The following MYOCD variants were observed in gnomAD, a reference collection of about 807,000 sequenced individuals.
The protein encoded by MYOCD is myocardin.
In MYOCD, 32 loss-of-function variants were observed where a neutral mutation model predicts 96.1. The ratio of observed to expected loss-of-function variants is 0.33; its 90% CI spans 0.25 to 0.45. MYOCD has a LOEUF of 0.45. Ranked by LOEUF, MYOCD falls within the 20% of genes least tolerant of loss-of-function variation. The probability of loss-of-function intolerance (pLI) is 1.00; values close to 1 mark genes in which losing one functional copy is unlikely to be tolerated. For synonymous variants in MYOCD, 469 were observed against 469.0 expected (o/e 1.00, Z 0.00); for missense variants, 1,133 against 1,200.6 (o/e 0.94, Z 0.83).
intron 1 of MYOCD, among the ~76,000 whole-genome samples, chr17:12,700,397 G>A (rs1304489491): frequency 1.3e-4 from 11 of 86,652 alleles, no homozygotes; most frequent in Non-Finnish European, 2.2e-5. Context: ...AGCAATGGGA[G>A]AATTTTTTTT....
chr17:12,731,867 C>G (rs2032182147), intron 5 of MYOCD, among the ~76,000 whole-genome samples: 1 of 152,224 alleles, frequency 6.6e-6, no homozygotes, highest in Non-Finnish European at 1.5e-5. Flanking sequence ...TTTTTCCCAT[C>G]AACAGCGACG....
At chr17:12,692,830 G>A (rs750557129) in intron 1 of MYOCD, among the ~76,000 whole-genome samples, 20 of 152,058 alleles carry the variant, frequency 1.3e-4, no homozygotes, top group Non-Finnish European at 2.6e-4. Flanking sequence ...CAATTTCCAA[G>A]AGCCCTGGCC....
At chr17:12,685,457 T>G (rs1293845742) in intron 1 of MYOCD, among the ~76,000 whole-genome samples, 1 of 152,062 alleles carries the variant, frequency 6.6e-6, no homozygotes, top group Non-Finnish European at 1.5e-5. Context: ...ATACAGAAGA[T>G]TAGCCGGGTG....
chr17:12,749,714 T>TAC (rs1417801984), intron 9 of MYOCD, among the ~76,000 whole-genome samples: 50 of 145,006 alleles, frequency 3.4e-4, no homozygotes, highest in African/African-American at 1.2e-3. Flanking sequence ...TATGTGTATA[T>TAC]ATATGTGTGT....
intron 1 of MYOCD, among the ~76,000 whole-genome samples, chr17:12,704,580 G>A (rs2031213746): frequency 6.6e-6 from 1 of 152,132 alleles, no homozygotes; most frequent in Admixed American, 6.6e-5. Context: ...TTATCAAAAT[G>A]TCATTACATG....
At chr17:12,722,617 G>A (rs1473314332) in intron 4 of MYOCD, among the ~76,000 whole-genome samples, 1 of 152,104 alleles carries the variant, frequency 6.6e-6, no homozygotes, top group Non-Finnish European at 1.5e-5. Flanking sequence ...ACGAATCCTC[G>A]CAAAGCAAGC....
chr17:12,740,283 G>A (rs2032468789), intron 7 of MYOCD, among the ~76,000 whole-genome samples: 1 of 152,150 alleles, frequency 6.6e-6, no homozygotes, highest in Non-Finnish European at 1.5e-5. Flanking sequence ...CCTGAGCAGT[G>A]TACACTGTAC....
chr17:12,709,818 TG>T (rs1232939765), intron 2 of MYOCD, among the ~76,000 whole-genome samples: 3 of 152,210 alleles, frequency 2.0e-5, no homozygotes, highest in Admixed American at 6.5e-5. Context: ...CTATTGGGCC[TG>T]TTCATCATTT....
intron 1 of MYOCD, among the ~76,000 whole-genome samples, chr17:12,698,994 G>A (rs150640284): frequency 0.021 from 3,109 of 151,582 alleles, 146 homozygotes; most frequent in Admixed American, 0.11. Flanking sequence ...TGCCCGCCTC[G>A]GCCTCCCAAA....
Position 12,752,907 on chromosome 17 carries a change from G to A in MYOCD, c.1619G>A (p.Arg540Lys). ...ELTWKLQQEQ[R>K]QVEELRMQLQ... ...ACCTGGAAACTCCAGCAAGAGCAGA[G>A]GCAGGTGGAGGAGCTGAGGATGCAG... Residue 540 changes from arginine (R) to lysine (K), a missense_variant, in exon 10 of 14, where the codon AGG (arginine) becomes AAG (lysine). Physicochemically the swap from Arg to Lys is conservative, Grantham distance 26 (BLOSUM62 2). Transcript: ENST00000425538. The A allele has an allele frequency of 6.2e-7, 1 of 1,614,112 alleles. No individual in the cohort carries two copies. The highest frequency in any genetic ancestry group is 8.5e-7 in the Non-Finnish European group (1 of 1,180,034).
At chr17:12,751,033 G>A (rs1236872430) in intron 9 of MYOCD, among the ~76,000 whole-genome samples, 3 of 152,018 alleles carry the variant, frequency 2.0e-5, no homozygotes, top group Non-Finnish European at 2.9e-5. Context: ...TTGACTTACA[G>A]AAGTTTTAAA....
In MYOCD at chr17:12,752,484, A is replaced by G. The variant is rs2032877804; in HGVS notation, c.1196A>G (p.Asp399Gly). 6.2e-7 allele frequency: 1 copy of G among 1,614,046 alleles called. No individual in the cohort carries two copies. The highest frequency in any genetic ancestry group is 1.7e-5 in the Admixed American group (1 of 60,000). ...TCAGGCACCAAAACGGCTCTCATGG[A>G]CCGGCTTCGACCCTTCCAGGACTGC... Reference protein sequence around the residue: ...PVSGTKTALMDRLRPFQDCSG... With the variant: ...PVSGTKTALMGRLRPFQDCSG... Residue 399 changes from aspartate to glycine, a missense_variant, in exon 10 of 14, where the codon GAC becomes GGC. Physicochemically the swap from Asp to Gly is moderately conservative, Grantham distance 94. Transcript: ENST00000425538.
intron 1 of MYOCD, among the ~76,000 whole-genome samples, chr17:12,675,932 G>C (rs1910005894): frequency 1.3e-5 from 2 of 152,136 alleles, no homozygotes; most frequent in Non-Finnish European, 2.9e-5. Context: ...GATATAAGTA[G>C]AACTGTTCAT....
intron 1 of MYOCD, among the ~76,000 whole-genome samples, chr17:12,678,324 A>T (rs1156773088): frequency 6.6e-6 from 1 of 151,840 alleles, no homozygotes; most frequent in Non-Finnish European, 1.5e-5. Flanking sequence ...AAAAAAAAAA[A>T]ACTGAAAAGG....
intron 1 of MYOCD, among the ~76,000 whole-genome samples, chr17:12,694,368 G>A: frequency 6.6e-6 from 1 of 152,154 alleles, no homozygotes; most frequent in East Asian, 1.9e-4. Context: ...GAAGTGTCAG[G>A]ACTGTCCTAT....
intron 1 of MYOCD, among the ~76,000 whole-genome samples, chr17:12,668,061 G>C (rs944853025): frequency 5.9e-5 from 9 of 152,200 alleles, no homozygotes; most frequent in African/African-American, 2.2e-4. Flanking sequence ...AAAATGTAAT[G>C]TTTGAATGGA....
At chr17:12,741,378 A>G (rs1372782616) in intron 7 of MYOCD, among the ~76,000 whole-genome samples, 1 of 152,186 alleles carries the variant, frequency 6.6e-6, no homozygotes, top group Non-Finnish European at 1.5e-5. Context: ...AAGAAATGTT[A>G]TTCATATTTC....
chr17:12,708,725 C>T (rs934077364), intron 2 of MYOCD, among the ~76,000 whole-genome samples: 1 of 152,102 alleles, frequency 6.6e-6, no homozygotes, highest in African/African-American at 2.4e-5. Context: ...ACAGAAGCAC[C>T]TGCCACCAAT....
intron 1 of MYOCD, among the ~76,000 whole-genome samples, chr17:12,689,288 CTCTTGAAA>C (rs2030321036): frequency 1.3e-5 from 2 of 152,194 alleles, no homozygotes; most frequent in Middle Eastern, 3.4e-3. Context: ...AATTTTTGGT[CTCTTGAAA>C]TCTTGTAACT....
Sources: gnomAD v4.1 joint callset for allele counts (sites outside exome capture counted in the v4.1 genomes callset) on GRCh38, gnomAD v4.1.1 for gene constraint, MANE v1.5 for transcripts, NCBI Gene and HGNC (gene_info 2026-07-23, HGNC 2026-07-21) for gene names.